Variants in USP48 observed in about 807,000 individuals in gnomAD.
USP48 encodes the protein ubiquitin carboxyl-terminal hydrolase 48.
USP48 carries 43 observed loss-of-function variants against 150.7 expected under a neutral mutation model. The observed-to-expected ratio is 0.29, with a 90% CI of 0.22 to 0.37. The LOEUF (loss-of-function observed/expected upper bound fraction) is 0.37. Ranked by LOEUF, USP48 falls within the 10% of genes least tolerant of loss-of-function variation. The pLI, the probability that USP48 is intolerant of heterozygous loss-of-function variation, is 1.00. For synonymous variants in USP48, 396 were observed against 425.9 expected (o/e 0.93, Z 0.86); for missense variants, 813 against 1,249.6 (o/e 0.65, Z 5.27).
chr1:21,749,100 A>G (rs970705010), intron 6 of USP48, among the ~76,000 whole-genome samples: 1 of 152,208 alleles, frequency 6.6e-6, no homozygotes, highest in African/African-American at 2.4e-5. Context: ...TTGCCTTTAT[A>G]TTTCTATAAA....
intron 1 of USP48, among the ~76,000 whole-genome samples, chr1:21,760,287 C>G (rs1390765742): frequency 6.6e-6 from 1 of 152,188 alleles, no homozygotes; most frequent in Admixed American, 6.5e-5. Flanking sequence ...AGGAACATTA[C>G]AGGACAAAGT....
At chr1:21,764,466 T>G (rs1572021620) in intron 1 of USP48, among the ~76,000 whole-genome samples, 1 of 143,512 alleles carries the variant, frequency 7.0e-6, no homozygotes, top group Admixed American at 7.0e-5. Context: ...CTGGGCGCAG[T>G]GGGAGGCCGA....
At position 21,730,390 on chromosome 1, in the gene USP48, C is replaced by T. The variant is rs559101402; in HGVS notation, c.1172-558G>A. 4.6e-5 allele frequency among the ~76,000 whole-genome samples: 7 copies of T among 151,258 alleles called. No individual in the cohort carries two copies. The East Asian group carries it at 7.8e-4, about 17-fold the overall frequency. ...CCAGGAGGCAGAGGTTGCAGTGAGC[C>T]GAGATCACACTCCAGCCTGGGTGAC... On this transcript the variant is annotated intron_variant, in intron 9 of 26. Coordinates refer to ENST00000308271, the MANE Select transcript of USP48 (RefSeq NM_032236.8).
chr1:21,770,849 A>G (rs2097878003), intron 1 of USP48, among the ~76,000 whole-genome samples: 1 of 151,964 alleles, frequency 6.6e-6, no homozygotes, highest in Non-Finnish European at 1.5e-5. Flanking sequence ...CAAGCTGGCT[A>G]CAGTGGCTCA....
intron 22 of USP48, among the ~76,000 whole-genome samples, chr1:21,697,960 T>C (rs1390755246): frequency 6.6e-6 from 1 of 152,158 alleles, no homozygotes; most frequent in African/African-American, 2.4e-5. Flanking sequence ...ACCTAAGTGA[T>C]ACCCAATACC....
At chr1:21,681,000 C>A in intron 25 of USP48, 166 bp from the exon 26 acceptor site, 6 of 581,518 alleles carry the variant, frequency 1.0e-5, no homozygotes, top group Non-Finnish European at 1.8e-5. Context: ...TCAGAACAAT[C>A]TTTGTTTCTG....
intron 23 of USP48, among the ~76,000 whole-genome samples, chr1:21,691,465 C>A (rs985338699): frequency 2.0e-5 from 3 of 152,090 alleles, no homozygotes; most frequent in African/African-American, 7.2e-5. Flanking sequence ...AAAACCCTAT[C>A]TCTACTAAAA....
chr1:21,678,664 C>T lies in USP48; in HGVS notation c.*753G>A, dbSNP rs550267567. On this transcript the variant is annotated 3_prime_UTR_variant, in exon 27 of 27. Coordinates refer to ENST00000308271, the MANE Select transcript of USP48 (RefSeq NM_032236.8). ...TCCCACTTTTGAATAACAGCAAAAC[C>T]GGAAGAGGATGCTTTCACACATAAT... is the stretch of plus-strand genomic sequence containing the variant. 3.3e-5 allele frequency: 5 copies of T among 152,184 alleles called. No individual in the cohort carries two copies. Among genetic ancestry groups the T allele is most frequent in the East Asian group, 1.9e-4 (1 of 5,176 alleles). The allele number at this position is 152,184 out of a possible 1,614,324, so 9.4% of individuals were successfully genotyped here.
At chr1:21,696,164 C>T (rs912908253) in intron 22 of USP48, among the ~76,000 whole-genome samples, 1 of 152,218 alleles carries the variant, frequency 6.6e-6, no homozygotes, top group African/African-American at 2.4e-5. Context: ...AAGAGCCTGG[C>T]ATGGTGGCTC....
intron 14 of USP48, among the ~76,000 whole-genome samples, chr1:21,719,804 T>C (rs2097715060): frequency 6.6e-6 from 1 of 151,798 alleles, no homozygotes; most frequent in Non-Finnish European, 1.5e-5. Flanking sequence ...GAGGCAGAGG[T>C]TGCAGTGAGG....
At chr1:21,717,474 A>AAAC (rs1249872526) in intron 14 of USP48, among the ~76,000 whole-genome samples, 2 of 151,960 alleles carry the variant, frequency 1.3e-5, no homozygotes, top group Non-Finnish European at 2.9e-5. Context: ...AAACAAAAAA[A>AAAC]CCCCACAAAA....
chr1:21,754,318 G>A (rs891178651), intron 3 of USP48, among the ~76,000 whole-genome samples: 7 of 152,118 alleles, frequency 4.6e-5, no homozygotes, highest in African/African-American at 1.4e-4. Flanking sequence ...ATTTTTTAAA[G>A]TCCAGTTAAT....
chr1:21,760,172 C>T (rs1055679232), intron 1 of USP48, among the ~76,000 whole-genome samples: 1 of 152,136 alleles, frequency 6.6e-6, no homozygotes, highest in Non-Finnish European at 1.5e-5. Context: ...CAAAATAAGT[C>T]AGTGTCATGA....
intron 9 of USP48, chr1:21,732,673 T>C: frequency 2.7e-6 from 1 of 372,818 alleles, no homozygotes; most frequent in Non-Finnish European, 5.2e-6. Context: ...CTATATTCCA[T>C]TAGAATAAAA....
At chr1:21,686,937 T>TAAC (rs2097581897) in intron 25 of USP48, 1 of 498,672 alleles carries the variant, frequency 2.0e-6, no homozygotes, top group Non-Finnish European at 3.6e-6. Flanking sequence ...TGACTTAGTT[T>TAAC]TGCTTCTTGT....
At chr1:21,742,549 AAAAAAGAAAAG>A (rs1418449019) in intron 8 of USP48, among the ~76,000 whole-genome samples, 3 of 151,390 alleles carry the variant, frequency 2.0e-5, no homozygotes, top group Non-Finnish European at 4.4e-5. Context: ...ATCTCAAAAA[AAAAAAGAAAAG>A]AAAAGAAAAA....
intron 13 of USP48, 90 bp from the exon 14 acceptor site, chr1:21,721,256 T>A: frequency 6.6e-7 from 1 of 1,514,518 alleles, no homozygotes; most frequent in Non-Finnish European, 8.9e-7. Context: ...TAAAGTGAAT[T>A]ACAAACACTC....
chr1:21,769,566 C>T (rs752675401), intron 1 of USP48, among the ~76,000 whole-genome samples: 1 of 152,074 alleles, frequency 6.6e-6, no homozygotes, highest in African/African-American at 2.4e-5. Flanking sequence ...GCATGCACCA[C>T]CACGTCTGGC....
chr1:21,721,706 G>A lies in USP48; in HGVS notation c.1707C>T (p.Asn569=), dbSNP rs746776462. The part of the protein sequence containing the change: ...VERCRILRLK[N]QLNEDYKTVN... The stretch of plus-strand genomic sequence containing the variant: ...CAGTTTTATAATCTTCATTTAGTTG[G>A]TTCTTCAGACGCAATATGCGACAAC... Residue 569 remains asparagine, a synonymous_variant, in exon 13 of 27, where the codon AAC becomes AAT. Transcript: ENST00000308271. 2 of 1,608,080 alleles carry A rather than the reference G, an allele frequency of 1.2e-6. No homozygotes were observed.
Sources: gnomAD v4.1 joint callset for allele counts (sites outside exome capture counted in the v4.1 genomes callset) on GRCh38, gnomAD v4.1.1 for gene constraint, MANE v1.5 for transcripts, NCBI Gene and HGNC (gene_info 2026-07-23, HGNC 2026-07-21) for gene names.